VHL: variants seen among roughly 807,000 people sequenced by gnomAD.
VHL encodes von Hippel-Lindau tumor suppressor, also known as von Hippel-Lindau disease tumor suppressor.
In VHL, 10 loss-of-function variants were observed where a neutral mutation model predicts 19.2. The ratio of observed to expected loss-of-function variants is 0.52; its 90% CI spans 0.32 to 0.89. The LOEUF (loss-of-function observed/expected upper bound fraction) is 0.89, where lower values mean the gene tolerates loss of function less well. Ranked by LOEUF, VHL falls within the 40% of genes least tolerant of loss-of-function variation. The pLI is 0.03. For synonymous variants in VHL, 167 were observed against 129.5 expected, an observed-to-expected ratio of 1.29 and a Z score of -1.97; for missense variants, 328 against 292.7, an observed-to-expected ratio of 1.12 and a Z score of -0.88.
At chr3:10,144,276 G>C (rs994460578) in intron 1 of VHL, among the ~76,000 whole-genome samples, 2 of 150,404 alleles carry the variant, frequency 1.3e-5, no homozygotes, top group African/African-American at 2.4e-5. Flanking sequence ...AGACCAGCCT[G>C]TGCAACATAG....
At position 10,147,935 on chromosome 3, in the gene VHL, A is replaced by T. The variant is rs557218864; in HGVS notation, c.463+1299A>T. On this transcript the variant is annotated intron_variant, in intron 2 of 2. Coordinates refer to ENST00000256474, the MANE Select transcript of VHL (RefSeq NM_000551.4). ...AGTGAGACCCCAGCTCCACAAAAAA[A>T]TTTTTTTTTAATTACCTGGGCATCT... Among the ~76,000 whole-genome samples the T allele has an allele frequency of 1.4e-4, 21 of 151,306 alleles. 1 individual carries two copies. Among genetic ancestry groups the T allele is most frequent in the Middle Eastern group, 3.4e-3 (1 of 294 alleles).
At position 10,153,667 on chromosome 3, in the gene VHL, A is replaced by G. The variant is rs920687905; in HGVS notation, c.*3702A>G. ...CATTAAATGGTGCTGAGTAAAGGAA[A>G]TAGGCAGGGTGTGTTGTGTGGTGTT... is the stretch of plus-strand genomic sequence containing the variant. On this transcript the variant is annotated 3_prime_UTR_variant, in exon 3 of 3. Coordinates refer to ENST00000256474, the MANE Select transcript of VHL (RefSeq NM_000551.4). 2.6e-5 allele frequency among the ~76,000 whole-genome samples: 4 copies of G among 152,018 alleles called. No individual in the cohort carries two copies. The highest frequency in any genetic ancestry group is 5.9e-5 in the Non-Finnish European group (4 of 68,022).
intron 2 of VHL, among the ~76,000 whole-genome samples, chr3:10,148,456 A>G (rs1696318970): frequency 6.8e-6 from 1 of 147,284 alleles, no homozygotes; most frequent in South Asian, 2.1e-4. Context: ...CTGGGACTAC[A>G]GGCGCCCGCC....
At chr3:10,144,494 G>GTTTTTT (rs1696205775) in intron 1 of VHL, among the ~76,000 whole-genome samples, 7 of 70,454 alleles carry the variant, frequency 9.9e-5, no homozygotes, top group African/African-American at 2.2e-4. Flanking sequence ...TCTCTATCTT[G>GTTTTTT]TCTTTTTTTT....
intron 1 of VHL, 109 bp from the exon 2 acceptor site, chr3:10,146,405 A>C (rs1696257163): frequency 1.4e-6 from 2 of 1,439,082 alleles, no homozygotes; most frequent in Non-Finnish European, 1.9e-6. Context: ...TGATCTCCTG[A>C]CCTCATGATC....
At chr3:10,144,496 C>CTTT (rs34512214) in intron 1 of VHL, among the ~76,000 whole-genome samples, 8 of 116,602 alleles carry the variant, frequency 6.9e-5, no homozygotes, top group South Asian at 2.8e-4. Context: ...TCTATCTTGT[C>CTTT]TTTTTTTTTT....
At position 10,141,885 on chromosome 3, in the gene VHL, T is replaced by G. The variant is rs1553619289; in HGVS notation, c.38T>G (p.Val13Gly). Residue 13 changes from valine (V) to glycine (G), a missense_variant, in exon 1 of 3, where the codon GTA becomes GGA. Val to Gly is a moderately radical substitution (Grantham distance 109, BLOSUM62 -3). Transcript: ENST00000256474. ...GCGGAGAACTGGGACGAGGCCGAGGTAGGCGCGGAGGAGGCAGGCGTCGAA... is the reference window on the plus strand; with the variant it reads ...GCGGAGAACTGGGACGAGGCCGAGGGAGGCGCGGAGGAGGCAGGCGTCGAA... Reference protein sequence around the residue: ...RRAENWDEAEVGAEEAGVEEY... With the variant: ...RRAENWDEAEGGAEEAGVEEY... 1.2e-5 allele frequency: 18 copies of G among 1,532,744 alleles called. No individual in the cohort carries two copies. Among genetic ancestry groups the G allele is most frequent in the Non-Finnish European group, 1.6e-5 (18 of 1,137,578 alleles). 94.9% of individuals were successfully genotyped at this position (1,532,744 alleles called of 1,614,324 possible). A position where few individuals can be genotyped will look rare whatever the true frequency, so the allele number is the denominator to read the frequency against.
chr3:10,149,353 T>G (rs1696343509), intron 2 of VHL, among the ~76,000 whole-genome samples: 1 of 152,122 alleles, frequency 6.6e-6, no homozygotes, highest in South Asian at 2.1e-4. Context: ...GCTCAGGCGA[T>G]CTACTGACGT....
chr3:10,142,136 C>T lies in VHL; in HGVS notation c.289C>T (p.Pro97Ser), dbSNP rs863224688. The T allele has an allele frequency of 3.1e-6, 5 of 1,600,350 alleles. No homozygotes were observed. The South Asian group carries it at 4.4e-5, about 14-fold the overall frequency. Reference protein sequence around the residue: ...VWLNFDGEPQPYPTLPPGTGR... With the variant: ...VWLNFDGEPQSYPTLPPGTGR... ...GCTCAACTTCGACGGCGAGCCGCAG[C>T]CCTACCCAACGCTGCCGCCTGGCAC... The change falls in exon 1 of 3, where the codon CCC (proline) becomes TCC (serine). Residue 97 changes from proline (P) to serine (S), a missense_variant. By Grantham distance (74) the Pro-to-Ser change is moderately conservative. Coordinates refer to ENST00000256474, the MANE Select transcript of VHL (RefSeq NM_000551.4).
In VHL at chr3:10,150,539, T is replaced by C. The variant is rs143062510; in HGVS notation, c.*574T>C. On this transcript the variant is annotated 3_prime_UTR_variant, in exon 3 of 3. Transcript: ENST00000256474. Reference sequence around the variant, plus strand: ...AAAGTGCTTAGAGGTTCTGCCTCTATTTTTGTTGGGGGGTGGGAGAGGGGA... The same window carrying C: ...AAAGTGCTTAGAGGTTCTGCCTCTACTTTTGTTGGGGGGTGGGAGAGGGGA... 4.7e-3 allele frequency: 1,313 copies of C among 282,252 alleles called. 38 individuals are homozygous for C. In the South Asian group the frequency reaches 0.072, roughly 16 times the overall value. The allele number at this position is 282,252 out of a possible 1,614,324, so 17.5% of individuals were successfully genotyped here.
intron 2 of VHL, among the ~76,000 whole-genome samples, chr3:10,147,872 G>A (rs1165520762): frequency 6.6e-6 from 1 of 151,880 alleles, no homozygotes; most frequent in African/African-American, 2.4e-5. Context: ...CGGGAGGGTC[G>A]CTTGAGACCA....
chr3:10,145,655 G>A (rs942730960), intron 1 of VHL, among the ~76,000 whole-genome samples: 5 of 146,844 alleles, frequency 3.4e-5, no homozygotes, highest in Non-Finnish European at 5.9e-5. Context: ...GCAGTGAGCC[G>A]AGATCGTGCC....
At chr3:10,144,251 G>A (rs146448812) in intron 1 of VHL, among the ~76,000 whole-genome samples, 124 of 151,736 alleles carry the variant, frequency 8.2e-4, no homozygotes, top group Non-Finnish European at 1.0e-3. Flanking sequence ...AGGATTTCTT[G>A]AGCCCAGGAG....
At chr3:10,142,571 G>A (rs779806) in intron 1 of VHL, 194,491 of 222,354 alleles carry the variant, frequency 0.87, 85,416 homozygotes, top group African/African-American at 0.92. Flanking sequence ...GTCTCGAACT[G>A]CTGACCTCGT....
chr3:10,149,724 C>G (rs961458931), intron 2 of VHL, 63 bp from the exon 3 acceptor site: 2 of 1,452,828 alleles, frequency 1.4e-6, no homozygotes, highest in Non-Finnish European at 1.9e-6. Context: ...GGCAAAGCCT[C>G]TTGTTCGTTC....
chr3:10,148,345 C>T (rs1339572305), intron 2 of VHL, among the ~76,000 whole-genome samples: 4 of 136,662 alleles, frequency 2.9e-5, no homozygotes, highest in South Asian at 2.3e-4. Context: ...GACGGAGTCT[C>T]GCTCTGTCGC....
intron 2 of VHL, among the ~76,000 whole-genome samples, chr3:10,147,163 C>T (rs987510812): frequency 6.6e-6 from 1 of 151,872 alleles, no homozygotes; most frequent in African/African-American, 2.4e-5. Flanking sequence ...AGGCGTGTGC[C>T]ACCCACTCTG....
At chr3:10,145,386 C>T (rs143594259) in intron 1 of VHL, among the ~76,000 whole-genome samples, 3 of 152,114 alleles carry the variant, frequency 2.0e-5, no homozygotes, top group Non-Finnish European at 2.9e-5. Flanking sequence ...TGCTTCCTGC[C>T]CTCTTTTGTT....
Position 10,150,823 on chromosome 3 carries a change from G to A in VHL, c.*858G>A. The A allele has an allele frequency of 4.3e-6, 1 of 232,588 alleles. No individual in the cohort carries two copies. Among genetic ancestry groups the A allele is most frequent in the African/African-American group, 2.2e-5 (1 of 45,394 alleles). 14.4% of individuals were successfully genotyped at this position (232,588 alleles called of 1,614,324 possible). On this transcript the variant is annotated 3_prime_UTR_variant, in exon 3 of 3. Transcript: ENST00000256474. ...ACAAATAAGTTTTTGCTAAATGTGA[G>A]TATTTCTGTTCCTTTTTGTAAATAT...
Sources: allele counts gnomAD v4.1 joint callset (sites outside exome capture counted in the v4.1 genomes callset), GRCh38; gene constraint gnomAD v4.1.1; transcripts MANE v1.5; gene names NCBI Gene and HGNC (gene_info 2026-07-23, HGNC 2026-07-21).